Variants in PDZD8 observed in about 807,000 individuals in gnomAD.
PDZD8 encodes PDZ domain-containing protein 8.
A neutral mutation model predicts 85.8 loss-of-function variants in PDZD8; 14 were observed. That is an observed-to-expected ratio of 0.16 (90% CI 0.11 to 0.26). PDZD8 has a LOEUF of 0.26. Among genes scored for constraint, PDZD8 ranks in the 10% least tolerant of loss-of-function variants. PDZD8 has a pLI of 1.00. For missense variants in PDZD8, 1,197 were observed against 1,424.3 expected (o/e 0.84, Z 2.57); for synonymous variants, 592 against 568.6 (o/e 1.04, Z -0.59).
At chr10:117,312,840 G>A (rs946255384) in intron 3 of PDZD8, among the ~76,000 whole-genome samples, 1 of 152,004 alleles carries the variant, frequency 6.6e-6, no homozygotes, top group Non-Finnish European at 1.5e-5. Context: ...GCCCTATCCA[G>A]TTCTGTTTTA....
In PDZD8 at chr10:117,283,513, A is replaced by G; in HGVS notation, c.3220T>C (p.Ser1074Pro). Residue 1074 changes from serine to proline, a missense_variant, in exon 5 of 5, where the codon TCT becomes CCT. Coordinates refer to ENST00000334464, the MANE Select transcript of PDZD8 (RefSeq NM_173791.5). ...TCACCTGATTTAGCTAAGGCAGCAG[A>G]AAGAAGTGATTTTTTCCTTGTATCA... ...TTDTRKKSLL[S>P]AALAKSGERL... 1 of 1,614,258 alleles carries G rather than the reference A, an allele frequency of 6.2e-7. No homozygotes were observed. The highest frequency in any genetic ancestry group is 8.5e-7 in the Non-Finnish European group (1 of 1,180,038).
chr10:117,327,518 T>C (rs1176784136), intron 2 of PDZD8, among the ~76,000 whole-genome samples: 3 of 152,230 alleles, frequency 2.0e-5, no homozygotes, highest in African/African-American at 2.4e-5. Context: ...AAGTAACTTA[T>C]GTTAACCAAT....
chr10:117,350,913 T>C (rs1048600462), intron 1 of PDZD8, among the ~76,000 whole-genome samples: 10 of 149,284 alleles, frequency 6.7e-5, no homozygotes, highest in Admixed American at 4.0e-4. Flanking sequence ...AAAAGAAATA[T>C]ATAGTTACAA....
intron 2 of PDZD8, among the ~76,000 whole-genome samples, chr10:117,328,669 C>CT (rs199698682): frequency 0.04 from 6,087 of 151,618 alleles, 140 homozygotes; most frequent in East Asian, 0.067. Context: ...ACCAATCAGT[C>CT]TTTTTTTTTC....
chr10:117,312,842 T>C (rs1844061837), intron 3 of PDZD8, among the ~76,000 whole-genome samples: 1 of 152,216 alleles, frequency 6.6e-6, no homozygotes. Flanking sequence ...CCTATCCAGT[T>C]CTGTTTTAAA....
chr10:117,374,176 C>A lies in PDZD8; in HGVS notation c.872+180G>T, dbSNP rs1845245604. Among the ~76,000 whole-genome samples, 1 of 152,210 alleles carries A rather than the reference C, an allele frequency of 6.6e-6. No homozygotes were observed. The highest frequency in any genetic ancestry group is 6.5e-5 in the Admixed American group (1 of 15,286). ...AAAAGGTTTCTAGCTCCTATCAATGCCGTTCGGAAGCAAAGCAAGTGTTCA... is the reference window on the plus strand; with the variant it reads ...AAAAGGTTTCTAGCTCCTATCAATGACGTTCGGAAGCAAAGCAAGTGTTCA... On this transcript the variant is annotated intron_variant, in intron 1 of 4. Coordinates refer to ENST00000334464, the MANE Select transcript of PDZD8 (RefSeq NM_173791.5). This position sits in a 1 kb window ranked among gnomAD's most constrained non-coding sequence, Gnocchi z 7.8.
chr10:117,330,665 C>T (rs376162322), intron 2 of PDZD8, among the ~76,000 whole-genome samples: 6 of 152,192 alleles, frequency 3.9e-5, no homozygotes, highest in African/African-American at 1.4e-4. Context: ...GCATTTACTT[C>T]CTCACCTTTA....
At chr10:117,352,032 A>G (rs542141138) in intron 1 of PDZD8, among the ~76,000 whole-genome samples, 14 of 152,340 alleles carry the variant, frequency 9.2e-5, no homozygotes, top group African/African-American at 3.1e-4. Flanking sequence ...ACATATTTAA[A>G]TTTATACTTA....
intron 3 of PDZD8, among the ~76,000 whole-genome samples, chr10:117,316,728 G>A (rs943164399): frequency 6.6e-6 from 1 of 152,032 alleles, no homozygotes; most frequent in Non-Finnish European, 1.5e-5. Context: ...AAATAGATTT[G>A]TTTTCTTGTG....
chr10:117,346,707 C>CCCCTCTTTTCCTTGTCTCCTG (rs1356937195), intron 1 of PDZD8, among the ~76,000 whole-genome samples: 1 of 151,932 alleles, frequency 6.6e-6, no homozygotes, highest in Non-Finnish European at 1.5e-5. Flanking sequence ...GGTGTCTCCT[C>CCCCTCTTTTCCTTGTCTCCTG]CCCTCTTTTC....
chr10:117,320,640 T>A (rs2133813044), intron 2 of PDZD8, among the ~76,000 whole-genome samples: 1 of 151,976 alleles, frequency 6.6e-6, no homozygotes, highest in South Asian at 2.1e-4. Context: ...TAGGCAATGG[T>A]TTCTTAAATA....
intron 4 of PDZD8, 147 bp downstream of exon 4, chr10:117,290,039 T>A: frequency 3.1e-6 from 2 of 636,360 alleles, no homozygotes; most frequent in Non-Finnish European, 4.8e-6. Context: ...GAATTTTTAT[T>A]TATAATAAAG....
chr10:117,345,297 T>A (rs1844685708), intron 1 of PDZD8, among the ~76,000 whole-genome samples: 1 of 152,216 alleles, frequency 6.6e-6, no homozygotes, highest in South Asian at 2.1e-4. Flanking sequence ...GGCTGCAGGC[T>A]GCTGTGCCCC....
chr10:117,291,426 G>T (rs1227192033), intron 3 of PDZD8, among the ~76,000 whole-genome samples: 5 of 151,674 alleles, frequency 3.3e-5, no homozygotes, highest in African/African-American at 1.2e-4. Flanking sequence ...CTACTCGGGA[G>T]CCTGAGGCAG....
intron 3 of PDZD8, among the ~76,000 whole-genome samples, chr10:117,294,327 C>CA (rs71013656): frequency 3.2e-4 from 46 of 142,608 alleles, no homozygotes; most frequent in East Asian, 9.1e-4. Context: ...ACCAAAAAGA[C>CA]AAAAAAAAAA....
rs911516985 is a variant in PDZD8 at position 117,361,722 on chromosome 10, G to A, written c.872+12634C>T. Among the ~76,000 whole-genome samples, 5 of 152,172 alleles carry A rather than the reference G, an allele frequency of 3.3e-5. No homozygotes were observed. In the East Asian group the frequency reaches 9.6e-4, roughly 29 times the overall value. On this transcript the variant is annotated intron_variant, in intron 1 of 4. Transcript: ENST00000334464. Reference sequence around the variant, plus strand: ...AGTTAACATAGCCCTCCACGTCTATGGGTTCTGCATCCTTGGATTCAACTA... The same window carrying A: ...AGTTAACATAGCCCTCCACGTCTATAGGTTCTGCATCCTTGGATTCAACTA...
At chr10:117,342,740 A>G (rs970041940) in intron 1 of PDZD8, among the ~76,000 whole-genome samples, 3 of 152,142 alleles carry the variant, frequency 2.0e-5, no homozygotes, top group South Asian at 2.1e-4. Context: ...GGCCTCCCAC[A>G]TGGCCTCCCA....
At chr10:117,362,692 G>T (rs540056662) in intron 1 of PDZD8, among the ~76,000 whole-genome samples, 1 of 152,156 alleles carries the variant, frequency 6.6e-6, no homozygotes, top group South Asian at 2.1e-4. Flanking sequence ...AATATTTTAA[G>T]TAGATAATTT....
intron 2 of PDZD8, among the ~76,000 whole-genome samples, chr10:117,328,938 T>C (rs1404335149): frequency 6.6e-6 from 1 of 152,182 alleles, no homozygotes; most frequent in Non-Finnish European, 1.5e-5. Context: ...TCTGAAGAAA[T>C]GCCAGAAAGG....
Sources: gnomAD v4.1 joint callset for allele counts (sites outside exome capture counted in the v4.1 genomes callset) on GRCh38, gnomAD v4.1.1 for gene constraint, Gnocchi (gnomAD v3.1) non-coding constraint, MANE v1.5 for transcripts, NCBI Gene and HGNC (gene_info 2026-07-23, HGNC 2026-07-21) for gene names.